ADGRV1: variants seen among roughly 807,000 people sequenced by gnomAD.
The protein encoded by ADGRV1 is adhesion G protein-coupled receptor V1.
ADGRV1 carries 359 observed loss-of-function variants against 596.2 expected under a neutral mutation model. The observed-to-expected ratio is 0.60, with a 90% confidence interval of 0.55 to 0.66. The LOEUF (loss-of-function observed/expected upper bound fraction) is 0.66, where lower values mean the gene tolerates loss of function less well. Among genes scored for constraint, ADGRV1 ranks in the 30% least tolerant of loss-of-function variants. The probability of loss-of-function intolerance (pLI) is 0.00; values close to 1 mark genes in which losing one functional copy is unlikely to be tolerated. For synonymous variants in ADGRV1, 2,681 were observed against 2,679.2 expected (o/e 1.00, Z -0.02); for missense variants, 7,274 against 7,575.6 (o/e 0.96, Z 1.48).
chr5:90,569,354 GAT>G (rs1185532852), intron 1 of ADGRV1, among the ~76,000 whole-genome samples: 53 of 12,788 alleles, frequency 4.1e-3, no homozygotes, highest in Middle Eastern at 0.17. Flanking sequence ...CTGTTTGCAT[GAT>G]ATATATATAT....
intron 6 of ADGRV1, among the ~76,000 whole-genome samples, chr5:90,626,996 T>C (rs1764848046): frequency 6.6e-6 from 1 of 152,222 alleles, no homozygotes; most frequent in Non-Finnish European, 1.5e-5. Flanking sequence ...TACTATTGCT[T>C]CCTTACGTTT....
intron 9 of ADGRV1, among the ~76,000 whole-genome samples, chr5:90,632,342 A>T (rs1765610403): frequency 6.6e-6 from 1 of 152,176 alleles, no homozygotes; most frequent in South Asian, 2.1e-4. Flanking sequence ...TTGAGAATTG[A>T]TGATGCAGAA....
chr5:90,681,500 T>C (rs776020093), intron 27 of ADGRV1, 46 bp downstream of exon 27: 2 of 1,567,992 alleles, frequency 1.3e-6, no homozygotes, highest in Admixed American at 3.6e-5. Flanking sequence ...TCTGTTGTTT[T>C]AAAAACTGTA....
At chr5:90,747,528 C>A (rs1046199971) in intron 52 of ADGRV1, among the ~76,000 whole-genome samples, 5 of 152,084 alleles carry the variant, frequency 3.3e-5, no homozygotes, top group Non-Finnish European at 5.9e-5. Flanking sequence ...CCCCTCCCAC[C>A]CCCATCCATT....
chr5:90,832,859 C>G (rs1287689454), intron 77 of ADGRV1, among the ~76,000 whole-genome samples: 4 of 152,142 alleles, frequency 2.6e-5, no homozygotes, highest in African/African-American at 7.2e-5. Flanking sequence ...AGAGACTGCC[C>G]TTTTTCCAAT....
At chr5:90,725,886 A>G (rs1269687538) in intron 48 of ADGRV1, among the ~76,000 whole-genome samples, 1 of 152,242 alleles carries the variant, frequency 6.6e-6, no homozygotes, top group Non-Finnish European at 1.5e-5. Flanking sequence ...ATAAAAATGA[A>G]CATTTAATTA....
At position 90,738,216 on chromosome 5, in the gene ADGRV1, C is replaced by T. The variant is rs181606068; in HGVS notation, c.10550-6830C>T. Among the ~76,000 whole-genome samples the T allele has an allele frequency of 2.9e-3, 440 of 152,102 alleles. 3 individuals are homozygous for T. The highest frequency in any genetic ancestry group is 9.6e-3 in the African/African-American group (400 of 41,522). ...AACAAAAACTATATTTTTATGTTCT[C>T]TCCCCTAAAACTTTTATGATTTTGA... On this transcript the variant is annotated intron_variant, in intron 50 of 89. Coordinates refer to ENST00000405460, the MANE Select transcript of ADGRV1 (RefSeq NM_032119.4).
intron 86 of ADGRV1, chr5:91,091,834 C>T (rs1450131933): frequency 1.3e-5 from 2 of 151,930 alleles, no homozygotes; most frequent in Non-Finnish European, 2.9e-5. Flanking sequence ...CTATTGAGGC[C>T]CTTAAGGTGT....
intron 11 of ADGRV1, 108 bp from the exon 12 acceptor site, chr5:90,642,528 C>T (rs1767102075): frequency 2.5e-6 from 3 of 1,177,890 alleles, no homozygotes; most frequent in Non-Finnish European, 2.4e-6. Flanking sequence ...TCCTCATAGC[C>T]TTCCTTTTCA....
At position 90,647,779 on chromosome 5, in the gene ADGRV1, C is replaced by G. The variant is rs1293857405; in HGVS notation, c.3289+15C>G. 9 of 1,604,186 alleles carry G rather than the reference C, an allele frequency of 5.6e-6. No individual in the cohort carries two copies. In the African/African-American group the frequency reaches 1.1e-4, roughly 19 times the overall value. The stretch of plus-strand genomic sequence containing the variant: ...GAATTCAACAGGTAAGTAAATTATG[C>G]TTTTTTATGGCAGATCTGCCTCAGT... On this transcript the variant is annotated intron_variant, in intron 17 of 89. Coordinates refer to ENST00000405460, the MANE Select transcript of ADGRV1 (RefSeq NM_032119.4).
intron 53 of ADGRV1, among the ~76,000 whole-genome samples, chr5:90,751,493 C>T (rs1015679000): frequency 1.3e-5 from 2 of 152,012 alleles, no homozygotes; most frequent in East Asian, 1.9e-4. Flanking sequence ...GGGCAGACGA[C>T]GAGATTATCT....
chr5:90,689,792 T>G (rs774138532), intron 29 of ADGRV1, 69 bp from the exon 30 acceptor site: 10 of 1,065,474 alleles, frequency 9.4e-6, no homozygotes, highest in Non-Finnish European at 1.2e-5. Flanking sequence ...CCTGATAGTT[T>G]TTCCCTAGTA....
intron 4 of ADGRV1, among the ~76,000 whole-genome samples, chr5:90,619,731 C>A (rs1205900391): frequency 2.0e-5 from 3 of 151,008 alleles, no homozygotes; most frequent in Admixed American, 6.6e-5. Context: ...AGGTATATCT[C>A]CTAATGCTAT....
At chr5:90,626,168 T>C (rs1351886971) in intron 6 of ADGRV1, 1 of 151,984 alleles carries the variant, frequency 6.6e-6, no homozygotes, top group Non-Finnish European at 1.5e-5. Context: ...CTACAAAAAT[T>C]CTGAAACTAA....
Position 90,705,501 on chromosome 5 carries a change from C to G in ADGRV1, c.8488C>G (p.Leu2830Val), listed in dbSNP as rs555466095. 158 of 1,613,788 alleles carry G rather than the reference C, an allele frequency of 9.8e-5. 1 individual carries two copies. In the South Asian group the frequency reaches 1.7e-3, roughly 17 times the overall value. ...DEPHGVLNFA[L>V]SSRFVLLQEA... is the part of the protein sequence containing the mutation. The stretch of plus-strand genomic sequence containing the variant: ...ACCACATGGAGTTTTAAATTTTGCT[C>G]TTTCATCAAGATTTGTGTTACTACA... Residue 2830 changes from leucine to valine, a missense_variant, in exon 37 of 90, where the codon CTT becomes GTT. This residue lies in a region of ADGRV1 where 3,643 missense variants were observed against 3,809.2 expected (regional missense o/e 0.96). Coordinates refer to ENST00000405460, the MANE Select transcript of ADGRV1 (RefSeq NM_032119.4).
chr5:90,668,786 T>G (rs930884845), intron 21 of ADGRV1, among the ~76,000 whole-genome samples: 16 of 152,328 alleles, frequency 1.1e-4, no homozygotes, highest in South Asian at 1.0e-3. Flanking sequence ...ATATGAATAG[T>G]GATTTTTTTA....
intron 85 of ADGRV1, among the ~76,000 whole-genome samples, chr5:91,057,774 C>T (rs1342194328): frequency 1.3e-5 from 2 of 152,178 alleles, no homozygotes; most frequent in Non-Finnish European, 2.9e-5. Context: ...CTCTTTCCTC[C>T]TAGCTTTGCT....
intron 83 of ADGRV1, among the ~76,000 whole-genome samples, chr5:90,916,172 T>G (rs929567740): frequency 3.9e-5 from 6 of 152,228 alleles, no homozygotes; most frequent in African/African-American, 1.4e-4. Context: ...ATGGATTTTT[T>G]TTTTTCAAGA....
In ADGRV1 at chr5:90,693,940, A is replaced by T. The variant is rs374370810; in HGVS notation, c.7184A>T (p.Asp2395Val). ...TTGTTCTACAGTACTTCCGACATTG[A>T]TGTAGTGGCTCTGGCAATGGAGGAA... ...LLLFYSTSDI[D>V]VVALAMEEGQ... Residue 2395 changes from aspartate to valine, a missense_variant, in exon 33 of 90, where the codon GAT (aspartate) becomes GTT (valine). By Grantham distance (152) the Asp-to-Val change is radical. Around this residue, in one of 5 missense-constraint regions of ADGRV1, gnomAD observed 3,643 missense variants for 3,809.2 expected, o/e 0.96. Coordinates refer to ENST00000405460, the MANE Select transcript of ADGRV1 (RefSeq NM_032119.4). 1 of 1,601,526 alleles carries T rather than the reference A, an allele frequency of 6.2e-7. No individual in the cohort carries two copies. The highest frequency in any genetic ancestry group is 1.7e-5 in the Admixed American group (1 of 59,356).
Sources: gnomAD v4.1 joint callset for allele counts (sites outside exome capture counted in the v4.1 genomes callset) on GRCh38, gnomAD v4.1.1 for gene constraint, gnomAD v4.1.1 regional missense constraint, MANE v1.5 for transcripts, NCBI Gene and HGNC (gene_info 2026-07-23, HGNC 2026-07-21) for gene names.